Variants in PSTPIP2 observed in about 807,000 individuals in gnomAD.
PSTPIP2 encodes the protein proline-serine-threonine phosphatase-interacting protein 2.
A neutral mutation model predicts 63.3 loss-of-function variants in PSTPIP2; 33 were observed. The ratio of observed to expected loss-of-function variants is 0.52; its 90% CI spans 0.40 to 0.70. The LOEUF (loss-of-function observed/expected upper bound fraction) is 0.70, where lower values mean the gene tolerates loss of function less well. PSTPIP2 is among the 30% of genes least tolerant of loss of function. The pLI is 0.00. For missense variants in PSTPIP2, 312 were observed against 400.7 expected (o/e 0.78, Z 1.89); for synonymous variants, 125 against 132.7 (o/e 0.94, Z 0.40).
chr18:46,062,407 G>A (rs1347620484), intron 1 of PSTPIP2, among the ~76,000 whole-genome samples: 1 of 152,034 alleles, frequency 6.6e-6, no homozygotes, highest in Non-Finnish European at 1.5e-5. Context: ...TTAGGAGGCC[G>A]AGGTGGGTGG....
At chr18:46,061,468 G>A (rs1429390999) in intron 1 of PSTPIP2, among the ~76,000 whole-genome samples, 1 of 152,206 alleles carries the variant, frequency 6.6e-6, no homozygotes, top group Non-Finnish European at 1.5e-5. Flanking sequence ...TGCCCATGCT[G>A]CCCAGGGAAA....
At chr18:45,997,898 T>C (rs555296307) in intron 8 of PSTPIP2, 70 bp from the exon 9 acceptor site, 2 of 1,352,030 alleles carry the variant, frequency 1.5e-6, no homozygotes, top group Middle Eastern at 1.8e-4. Context: ...ACCCACAGGC[T>C]GGTCTCAGAT....
chr18:46,010,783 G>C (rs1357839384), intron 5 of PSTPIP2: 1 of 178,506 alleles, frequency 5.6e-6, no homozygotes, highest in Non-Finnish European at 1.2e-5. Context: ...GTCTTCAGGG[G>C]GAGCGGGAGT....
intron 1 of PSTPIP2, among the ~76,000 whole-genome samples, chr18:46,046,596 T>C (rs562130968): frequency 2.0e-5 from 3 of 152,250 alleles, no homozygotes; most frequent in African/African-American, 7.2e-5. Context: ...ATACAAAATA[T>C]AAAAGGCTAA....
chr18:46,016,349 G>A, intron 3 of PSTPIP2: 1 of 166,372 alleles, frequency 6.0e-6, no homozygotes, highest in Non-Finnish European at 1.3e-5. Context: ...GCGCAACAGA[G>A]CAAAACTCCA....
At chr18:46,002,599 T>C (rs1410794869) in intron 6 of PSTPIP2, among the ~76,000 whole-genome samples, 1 of 152,232 alleles carries the variant, frequency 6.6e-6, no homozygotes, top group Non-Finnish European at 1.5e-5. Flanking sequence ...CATCTTTATA[T>C]CTTCTATTTC....
intron 2 of PSTPIP2, chr18:46,028,780 G>A: frequency 8.5e-7 from 1 of 1,172,106 alleles, no homozygotes; most frequent in Admixed American, 1.7e-5. Flanking sequence ...TGCCGTGGGA[G>A]GAGTACCTGC....
intron 1 of PSTPIP2, among the ~76,000 whole-genome samples, chr18:46,053,187 G>A (rs1194441476): frequency 1.3e-5 from 2 of 151,956 alleles, no homozygotes; most frequent in Non-Finnish European, 2.9e-5. Flanking sequence ...GTTTCTACTT[G>A]CTATTTATAA....
chr18:46,044,193 C>G (rs904046405), intron 1 of PSTPIP2, among the ~76,000 whole-genome samples: 2 of 152,158 alleles, frequency 1.3e-5, no homozygotes, highest in Non-Finnish European at 2.9e-5. Flanking sequence ...AAAGAGTCTG[C>G]ATCACCAAGT....
chr18:46,067,435 A>G (rs1286029645), intron 1 of PSTPIP2, among the ~76,000 whole-genome samples: 3 of 151,186 alleles, frequency 2.0e-5, no homozygotes, highest in African/African-American at 4.9e-5. Context: ...CCCAGGAGGC[A>G]GAGCTTGCAG....
chr18:46,046,278 G>C (rs1599739067), intron 1 of PSTPIP2, among the ~76,000 whole-genome samples: 1 of 152,174 alleles, frequency 6.6e-6, no homozygotes, highest in Non-Finnish European at 1.5e-5. Context: ...AGGAGCAGAG[G>C]GGAAGCAAAC....
intron 1 of PSTPIP2, among the ~76,000 whole-genome samples, chr18:46,060,745 C>A (rs1017933716): frequency 2.0e-5 from 3 of 152,200 alleles, no homozygotes; most frequent in Admixed American, 6.5e-5. Context: ...TGAGGCTCCG[C>A]CCAGAGGACT....
intron 2 of PSTPIP2, among the ~76,000 whole-genome samples, chr18:46,035,425 A>AG (rs1375192487): frequency 1.3e-4 from 5 of 39,200 alleles, no homozygotes; most frequent in African/African-American, 2.3e-4. Flanking sequence ...GTCTTAAAAA[A>AG]AAAAAAAGAA....
rs149385022 is a variant in PSTPIP2 at position 46,039,975 on chromosome 18, T to C, written c.106A>G (p.Lys36Glu). The C allele has an allele frequency of 1.2e-6, 2 of 1,613,690 alleles. No individual in the cohort carries two copies. The highest frequency in any genetic ancestry group is 2.7e-5 in the African/African-American group (2 of 75,044). The change falls in exon 2 of 15, where the codon AAA becomes GAA. Residue 36 changes from lysine (K) to glutamate (E), a missense_variant. Lys to Glu is a moderately conservative substitution (Grantham distance 56). Coordinates refer to ENST00000409746, the MANE Select transcript of PSTPIP2 (RefSeq NM_024430.4). ...TCTTTTAGAAAGTCTTCAAACTCTTTGCAGTTCTTGCGGCCATTGTTCAGA... is the reference window on the plus strand; with the variant it reads ...TCTTTTAGAAAGTCTTCAAACTCTTCGCAGTTCTTGCGGCCATTGTTCAGA... ...QHLNNGRKNC[K>E]EFEDFLKERA...
chr18:46,035,434 AAAAGAGAG>A (rs1907935259), intron 2 of PSTPIP2, among the ~76,000 whole-genome samples: 1 of 18,076 alleles, frequency 5.5e-5, no homozygotes, highest in Non-Finnish European at 9.9e-4. Context: ...AAAAAAAAAG[AAAAGAGAG>A]AGAGAGAGAA....
chr18:46,027,158 G>A (rs1481706875), intron 2 of PSTPIP2, among the ~76,000 whole-genome samples: 1 of 151,948 alleles, frequency 6.6e-6, no homozygotes, highest in Non-Finnish European at 1.5e-5. Flanking sequence ...AGCCAGGCAT[G>A]GTGGCGCATG....
chr18:46,044,170 ACAT>A (rs773453633), intron 1 of PSTPIP2, among the ~76,000 whole-genome samples: 10 of 152,242 alleles, frequency 6.6e-5, no homozygotes, highest in Non-Finnish European at 1.5e-4. Flanking sequence ...TTTAAAGTTC[ACAT>A]GGAAACAAAA....
intron 1 of PSTPIP2, among the ~76,000 whole-genome samples, chr18:46,045,403 T>C (rs1908347342): frequency 6.6e-6 from 1 of 151,648 alleles, no homozygotes; most frequent in Admixed American, 6.6e-5. Flanking sequence ...CAGTAAACTA[T>C]CGTAAGAACA....
chr18:46,063,256 C>T lies in PSTPIP2; in HGVS notation c.33+8900G>A, dbSNP rs146310258. 8.4e-4 allele frequency among the ~76,000 whole-genome samples: 127 copies of T among 151,968 alleles called. 1 individual carries two copies. Among genetic ancestry groups the T allele is most frequent in the African/African-American group, 3.0e-3 (123 of 41,434 alleles). ...CTGGACTCAAGCAATTGTCCCACCT[C>T]GGCCTCCCAAAGTACTAGGATTATA... On this transcript the variant is annotated intron_variant, in intron 1 of 14. Transcript: ENST00000409746.
Sources: allele counts gnomAD v4.1 joint callset (sites outside exome capture counted in the v4.1 genomes callset), GRCh38; gene constraint gnomAD v4.1.1; transcripts MANE v1.5; gene names NCBI Gene and HGNC (gene_info 2026-07-23, HGNC 2026-07-21).